The following XKR4 variants were observed in gnomAD, a reference collection of about 807,000 sequenced individuals.
XKR4 encodes the protein XK-related protein 4.
In XKR4, 12 loss-of-function variants were observed where a neutral mutation model predicts 53.9. The observed-to-expected ratio is 0.22, with a 90% confidence interval of 0.14 to 0.36. XKR4 has a LOEUF of 0.36. XKR4 is among the 10% of genes least tolerant of loss of function. The pLI, the probability that XKR4 is intolerant of heterozygous loss-of-function variation, is 1.00. For missense variants in XKR4, 799 were observed against 859.5 expected, an observed-to-expected ratio of 0.93 and a Z score of 0.88; for synonymous variants, 354 against 362.4, an observed-to-expected ratio of 0.98 and a Z score of 0.26.
chr8:55,141,271 G>T (rs1816697855), intron 1 of XKR4, among the ~76,000 whole-genome samples: 2 of 152,100 alleles, frequency 1.3e-5, no homozygotes, highest in South Asian at 4.1e-4. Context: ...CTCCTCCTCT[G>T]CCTCCAGCCC....
At chr8:55,478,830 A>G (rs4439105) in intron 2 of XKR4, among the ~76,000 whole-genome samples, 51,466 of 151,350 alleles carry the variant, frequency 0.34, 10,552 homozygotes, top group African/African-American at 0.59. Flanking sequence ...TAAAGGGATC[A>G]ATTCAACAAG....
intron 1 of XKR4, among the ~76,000 whole-genome samples, chr8:55,177,012 A>G (rs527808902): frequency 6.6e-6 from 1 of 151,870 alleles, no homozygotes; most frequent in African/African-American, 2.4e-5. Flanking sequence ...AAATCCATAA[A>G]TGTGAGTGGT....
chr8:55,187,298 C>A, intron 1 of XKR4, among the ~76,000 whole-genome samples: 1 of 112,998 alleles, frequency 8.8e-6, no homozygotes, highest in Admixed American at 1.0e-4. Context: ...ATCTCTGTTT[C>A]CAGGACCAAA....
chr8:55,458,062 A>T (rs1260438528), intron 2 of XKR4, among the ~76,000 whole-genome samples: 2 of 152,222 alleles, frequency 1.3e-5, no homozygotes, highest in Non-Finnish European at 2.9e-5. Flanking sequence ...CCCCAGATTG[A>T]TCTACAGCTG....
chr8:55,316,661 C>T (rs1351618353), intron 1 of XKR4, among the ~76,000 whole-genome samples: 6 of 152,124 alleles, frequency 3.9e-5, no homozygotes, highest in Non-Finnish European at 2.9e-5. Flanking sequence ...CTTCCTCTGG[C>T]CTGCCCCACC....
intron 2 of XKR4, among the ~76,000 whole-genome samples, chr8:55,448,408 T>C (rs1200382320): frequency 1.3e-5 from 2 of 152,236 alleles, no homozygotes; most frequent in East Asian, 1.9e-4. Context: ...AAGTCGCTGA[T>C]TGAAGGGATT....
chr8:55,301,549 A>C (rs547832296), intron 1 of XKR4, among the ~76,000 whole-genome samples: 1 of 152,054 alleles, frequency 6.6e-6, no homozygotes, highest in Non-Finnish European at 1.5e-5. Context: ...TTTCTAGTTC[A>C]AGATCCCTGA....
At chr8:55,190,362 G>C (rs1015431683) in intron 1 of XKR4, among the ~76,000 whole-genome samples, 2 of 152,226 alleles carry the variant, frequency 1.3e-5, no homozygotes, top group Admixed American at 6.5e-5. Context: ...AGTGGTCATA[G>C]CTCTATGATT....
chr8:55,206,677 G>T (rs979133751), intron 1 of XKR4, among the ~76,000 whole-genome samples: 10 of 152,288 alleles, frequency 6.6e-5, no homozygotes, highest in African/African-American at 2.2e-4. Context: ...GAAAAAGTTA[G>T]ACTGTTCACC....
At chr8:55,112,592 G>GTTTTTTTTT (rs1563459297) in intron 1 of XKR4, among the ~76,000 whole-genome samples, 1 of 114,042 alleles carries the variant, frequency 8.8e-6, no homozygotes, top group African/African-American at 3.5e-5. Context: ...TTTTTTTAGG[G>GTTTTTTTTT]AGCAGAGAGT....
intron 1 of XKR4, among the ~76,000 whole-genome samples, chr8:55,192,716 C>T (rs1468454167): frequency 6.6e-6 from 1 of 152,108 alleles, no homozygotes; most frequent in Non-Finnish European, 1.5e-5. Context: ...TCTTTAATCT[C>T]GGGGTCATTA....
intron 1 of XKR4, among the ~76,000 whole-genome samples, chr8:55,120,023 T>C (rs1407577044): frequency 1.3e-5 from 2 of 152,202 alleles, no homozygotes; most frequent in African/African-American, 4.8e-5. Flanking sequence ...CTGTGACAAC[T>C]CAGTAATAAC....
At chr8:55,321,327 C>G (rs1803208894) in intron 1 of XKR4, among the ~76,000 whole-genome samples, 2 of 152,320 alleles carry the variant, frequency 1.3e-5, no homozygotes, top group South Asian at 2.1e-4. Flanking sequence ...TCAGCCCTGT[C>G]TCTCTGGTCT....
chr8:55,385,626 T>C (rs1055672819), intron 2 of XKR4, among the ~76,000 whole-genome samples: 7 of 152,128 alleles, frequency 4.6e-5, no homozygotes, highest in Admixed American at 3.9e-4. Flanking sequence ...TGGAATAGAG[T>C]AGATAGAGCA....
chr8:55,217,452 C>T (rs1817819126), intron 1 of XKR4, among the ~76,000 whole-genome samples: 1 of 152,146 alleles, frequency 6.6e-6, no homozygotes, highest in Non-Finnish European at 1.5e-5. Flanking sequence ...GCCATAAGAT[C>T]TCCTACATAC....
At chr8:55,446,832 C>G (rs1241536470) in intron 2 of XKR4, among the ~76,000 whole-genome samples, 1 of 152,180 alleles carries the variant, frequency 6.6e-6, no homozygotes, top group African/African-American at 2.4e-5. Flanking sequence ...GAAATAGCCA[C>G]TTAGGTCAAT....
intron 1 of XKR4, among the ~76,000 whole-genome samples, chr8:55,291,251 A>C (rs891928346): frequency 6.6e-6 from 1 of 152,152 alleles, no homozygotes; most frequent in African/African-American, 2.4e-5. Context: ...GATACCACCC[A>C]GTCTTGATTA....
At chr8:55,133,703 A>C (rs549612892) in intron 1 of XKR4, among the ~76,000 whole-genome samples, 1 of 152,338 alleles carries the variant, frequency 6.6e-6, no homozygotes, top group Admixed American at 6.5e-5. Flanking sequence ...AACTAGCCAA[A>C]GTTGCTGAAA....
chr8:55,103,306 G>T lies in XKR4; in HGVS notation c.806+12G>T. 1 of 1,582,030 alleles carries T rather than the reference G, an allele frequency of 6.3e-7. No homozygotes were observed. Reference sequence around the variant, plus strand: ...GGGCAAATCTGGAGGTACTGTAATGGGTGGGGGAAAAGGGAGGCTTGCTGC... The same window carrying T: ...GGGCAAATCTGGAGGTACTGTAATGTGTGGGGGAAAAGGGAGGCTTGCTGC... On this transcript the variant is annotated intron_variant, in intron 1 of 2. Coordinates refer to ENST00000327381, the MANE Select transcript of XKR4 (RefSeq NM_052898.2).
Sources: gnomAD v4.1 joint callset for allele counts (sites outside exome capture counted in the v4.1 genomes callset) on GRCh38, gnomAD v4.1.1 for gene constraint, MANE v1.5 for transcripts, NCBI Gene and HGNC (gene_info 2026-07-23, HGNC 2026-07-21) for gene names.